The following EEFSEC variants were observed in gnomAD, a reference collection of about 807,000 sequenced individuals.
EEFSEC encodes the protein selenocysteine-specific elongation factor.
Under a neutral mutation model 42.1 loss-of-function variants are expected in EEFSEC, and 43 were observed. The ratio of observed to expected loss-of-function variants is 1.02; its 90% CI spans 0.80 to 1.32. EEFSEC has a LOEUF of 1.32. Among genes scored for constraint, EEFSEC ranks in the 40% most tolerant of loss-of-function variants. The probability of loss-of-function intolerance (pLI) is 0.00; values close to 1 mark genes in which losing one functional copy is unlikely to be tolerated. For missense variants in EEFSEC, 745 were observed against 803.6 expected, an observed-to-expected ratio of 0.93 and a Z score of 0.88; for synonymous variants, 354 against 339.1, an observed-to-expected ratio of 1.04 and a Z score of -0.48.
At chr3:128,330,677 A>C (rs1383193685) in intron 4 of EEFSEC, among the ~76,000 whole-genome samples, 1 of 152,028 alleles carries the variant, frequency 6.6e-6, no homozygotes, top group Non-Finnish European at 1.5e-5. Context: ...CAAGGGCCTT[A>C]CTGACGCTTG....
intron 4 of EEFSEC, among the ~76,000 whole-genome samples, chr3:128,284,243 G>T (rs369946308): frequency 2.0e-5 from 3 of 152,096 alleles, no homozygotes; most frequent in African/African-American, 7.2e-5. Flanking sequence ...TTTCTAAAAC[G>T]TATTTCATAC....
intron 2 of EEFSEC, among the ~76,000 whole-genome samples, chr3:128,258,624 T>C (rs1576586654): frequency 6.6e-6 from 1 of 152,218 alleles, no homozygotes; most frequent in Admixed American, 6.5e-5. Context: ...ACAGAAGTTC[T>C]TCCTACCTTA....
At chr3:128,355,410 T>C (rs1023937856) in intron 5 of EEFSEC, among the ~76,000 whole-genome samples, 1 of 151,780 alleles carries the variant, frequency 6.6e-6, no homozygotes, top group African/African-American at 2.4e-5. Context: ...GGGACTAGCA[T>C]TACAGGAGCA....
At chr3:128,416,402 C>T in the EEFSEC span, among the ~76,000 whole-genome samples, 1 of 152,200 alleles carries the variant, frequency 6.6e-6, no homozygotes, top group African/African-American at 2.4e-5. Flanking sequence ...CAGCTCCACA[C>T]GCAGTCTCCT....
intron 6 of EEFSEC, among the ~76,000 whole-genome samples, chr3:128,370,286 T>C (rs1328996901): frequency 1.3e-5 from 2 of 152,062 alleles, no homozygotes; most frequent in East Asian, 3.9e-4. Context: ...TGACCACTAG[T>C]GAAGGTGGTT....
chr3:128,426,093 C>T, the EEFSEC span, among the ~76,000 whole-genome samples: 6 of 152,244 alleles, frequency 3.9e-5, no homozygotes, highest in Non-Finnish European at 8.8e-5. Flanking sequence ...TACTGTCGCC[C>T]CCAGCTTACA....
At chr3:128,253,498 T>G (rs974008605) in intron 2 of EEFSEC, among the ~76,000 whole-genome samples, 1 of 152,198 alleles carries the variant, frequency 6.6e-6, no homozygotes, top group Non-Finnish European at 1.5e-5. Context: ...TGAGATGGTA[T>G]GGACACCACC....
intron 6 of EEFSEC, among the ~76,000 whole-genome samples, chr3:128,373,795 C>T (rs1458082915): frequency 6.6e-6 from 1 of 152,176 alleles, no homozygotes; most frequent in Non-Finnish European, 1.5e-5. Context: ...CCAGGTATCA[C>T]ATGCATATCT....
At chr3:128,188,984 G>C (rs1299155745) in intron 1 of EEFSEC, among the ~76,000 whole-genome samples, 6 of 152,180 alleles carry the variant, frequency 3.9e-5, no homozygotes, top group Admixed American at 2.0e-4. Context: ...GGTAGGGGTA[G>C]ACCCCCAGGC....
chr3:128,178,946 G>A (rs546877431), intron 1 of EEFSEC, among the ~76,000 whole-genome samples: 1 of 152,316 alleles, frequency 6.6e-6, no homozygotes, highest in South Asian at 2.1e-4. Flanking sequence ...TAGTGCCTGT[G>A]TATAGCTAAG....
At chr3:128,211,206 G>A (rs2065752606) in intron 1 of EEFSEC, among the ~76,000 whole-genome samples, 1 of 152,182 alleles carries the variant, frequency 6.6e-6, no homozygotes, top group African/African-American at 2.4e-5. Flanking sequence ...TAGTTGTTGT[G>A]TGTTAACCTC....
At chr3:128,216,674 G>A (rs1375196828) in intron 1 of EEFSEC, among the ~76,000 whole-genome samples, 4 of 152,248 alleles carry the variant, frequency 2.6e-5, no homozygotes, top group Admixed American at 6.5e-5. Context: ...CACTGGCCCT[G>A]TTTCCCAGTG....
chr3:128,259,063 G>A (rs2066271173), intron 2 of EEFSEC, among the ~76,000 whole-genome samples: 1 of 152,206 alleles, frequency 6.6e-6, no homozygotes, highest in African/African-American at 2.4e-5. Flanking sequence ...ATAGGGGGAG[G>A]AAGAATAATA....
intron 1 of EEFSEC, among the ~76,000 whole-genome samples, chr3:128,188,221 G>A (rs572962740): frequency 2.6e-5 from 4 of 152,282 alleles, no homozygotes; most frequent in Non-Finnish European, 5.9e-5. Flanking sequence ...CAGACTGGGA[G>A]ACTAGCTCTA....
chr3:128,416,132 T>C, the EEFSEC span, among the ~76,000 whole-genome samples: 4 of 151,980 alleles, frequency 2.6e-5, no homozygotes, highest in South Asian at 2.1e-4. Flanking sequence ...CAGGCCCCGA[T>C]GATAAGACAG....
At chr3:128,426,077 A>T in the EEFSEC span, among the ~76,000 whole-genome samples, 1 of 152,194 alleles carries the variant, frequency 6.6e-6, no homozygotes, top group South Asian at 2.1e-4. Context: ...CCTACGCAGG[A>T]GGGGCTACTG....
At chr3:128,406,202 C>T (rs560920931) in intron 6 of EEFSEC, among the ~76,000 whole-genome samples, 1 of 152,352 alleles carries the variant, frequency 6.6e-6, no homozygotes, top group East Asian at 1.9e-4. Flanking sequence ...CAGTGGCCCA[C>T]ATGGAGGCTG....
At chr3:128,376,468 C>T (rs751661369) in intron 6 of EEFSEC, among the ~76,000 whole-genome samples, 2 of 152,158 alleles carry the variant, frequency 1.3e-5, no homozygotes, top group African/African-American at 2.4e-5. Flanking sequence ...GGTTTCTTCC[C>T]CAGAGGTGAG....
At chr3:128,318,899 G>T (rs16843938) in intron 4 of EEFSEC, among the ~76,000 whole-genome samples, 2,739 of 152,322 alleles carry the variant, frequency 0.018, 90 homozygotes, top group African/African-American at 0.062. Context: ...CACATCACCT[G>T]CAGGAGTAAG....
Sources: gnomAD v4.1 joint callset for allele counts (sites outside exome capture counted in the v4.1 genomes callset) on GRCh38, gnomAD v4.1.1 for gene constraint, MANE v1.5 for transcripts, NCBI Gene and HGNC (gene_info 2026-07-23, HGNC 2026-07-21) for gene names.